ESRRB: variants seen among roughly 807,000 people sequenced by gnomAD.
The protein encoded by ESRRB is estrogen related receptor beta, also known as steroid hormone receptor ERR2.
ESRRB carries 16 observed loss-of-function variants against 46.0 expected under a neutral mutation model. That is an observed-to-expected ratio of 0.35 (90% CI 0.24 to 0.53). The LOEUF is 0.53. ESRRB is among the 20% of genes least tolerant of loss of function. The probability of loss-of-function intolerance (pLI) is 0.93; values close to 1 mark genes in which losing one functional copy is unlikely to be tolerated. For missense variants in ESRRB, 488 were observed against 607.4 expected, an observed-to-expected ratio of 0.80 and a Z score of 2.07; for synonymous variants, 246 against 259.6, an observed-to-expected ratio of 0.95 and a Z score of 0.50.
chr14:76,459,255 A>G (rs1888752476), intron 2 of ESRRB, among the ~76,000 whole-genome samples: 1 of 152,144 alleles, frequency 6.6e-6, no homozygotes, highest in Non-Finnish European at 1.5e-5. Context: ...AGCATTCGCC[A>G]GTGTGAGCTC....
chr14:76,351,933 T>A (rs1164268209), intron 1 of ESRRB, among the ~76,000 whole-genome samples: 2 of 141,852 alleles, frequency 1.4e-5, no homozygotes, highest in Non-Finnish European at 3.0e-5. Flanking sequence ...TGCAGGGAAC[T>A]ATGATGGCAC....
At chr14:76,390,682 A>G (rs1302324562) in intron 1 of ESRRB, among the ~76,000 whole-genome samples, 2 of 152,140 alleles carry the variant, frequency 1.3e-5, no homozygotes, top group African/African-American at 4.8e-5. Flanking sequence ...TTTCTAGAGC[A>G]TAAGGTTCAT....
intron 3 of ESRRB, among the ~76,000 whole-genome samples, chr14:76,466,639 A>C (rs1889122370): frequency 6.6e-6 from 1 of 152,136 alleles, no homozygotes; most frequent in Non-Finnish European, 1.5e-5. Context: ...TCTCTTTTAA[A>C]AACTGAACAC....
chr14:76,452,043 G>A (rs185842448), intron 2 of ESRRB, among the ~76,000 whole-genome samples: 2 of 151,888 alleles, frequency 1.3e-5, no homozygotes, highest in Non-Finnish European at 2.9e-5. Flanking sequence ...CTGGGTTCAA[G>A]TGATTCTCCT....
chr14:76,350,497 A>G (rs1884301372), intron 1 of ESRRB, among the ~76,000 whole-genome samples: 1 of 152,184 alleles, frequency 6.6e-6, no homozygotes, highest in African/African-American at 2.4e-5. Context: ...GACTGTTGCC[A>G]GGGCCCCAAC....
chr14:76,482,583 C>G lies in ESRRB; in HGVS notation c.689-15C>G. ...CTTTTCCCAGCATTTACCTTTCCCT[C>G]TTTGGTTGTTGCAGTGACCAAGATT... On this transcript the variant is annotated splice_polypyrimidine_tract_variant and intron_variant, in intron 4 of 6. Coordinates refer to ENST00000644823, the MANE Select transcript of ESRRB (RefSeq NM_001379180.1). This position sits in a 1 kb window ranked among gnomAD's most constrained non-coding sequence, Gnocchi z 4.3. The G allele has an allele frequency of 2.5e-6, 4 of 1,614,126 alleles. No homozygotes were observed. The highest frequency in any genetic ancestry group is 3.4e-6 in the Non-Finnish European group (4 of 1,180,004).
chr14:76,407,532 G>A (rs1886242872), intron 1 of ESRRB: 1 of 985,338 alleles, frequency 1.0e-6, no homozygotes, highest in South Asian at 4.7e-5. Flanking sequence ...TTTCCCATCT[G>A]TTCTGTTTAG....
intron 2 of ESRRB, among the ~76,000 whole-genome samples, chr14:76,441,413 G>A (rs958036642): frequency 6.6e-6 from 1 of 152,110 alleles, no homozygotes; most frequent in South Asian, 2.1e-4. Context: ...GCCCCCACAG[G>A]GCTGTTATCA....
intron 1 of ESRRB, among the ~76,000 whole-genome samples, chr14:76,396,455 A>G (rs1330059620): frequency 6.6e-6 from 1 of 152,222 alleles, no homozygotes; most frequent in African/African-American, 2.4e-5. Flanking sequence ...TTTTACCTTT[A>G]ACTTTGACTC....
At chr14:76,362,917 C>A (rs1199197551) in intron 1 of ESRRB, among the ~76,000 whole-genome samples, 1 of 152,152 alleles carries the variant, frequency 6.6e-6, no homozygotes, top group African/African-American at 2.4e-5. Context: ...AAAGCCATTT[C>A]TTTAAGATGA....
chr14:76,359,913 G>A (rs4624098), intron 1 of ESRRB, among the ~76,000 whole-genome samples: 23,471 of 152,168 alleles, frequency 0.15, 2,070 homozygotes, highest in Middle Eastern at 0.22. Context: ...AAAGGCTCAC[G>A]TATCTGTTAT....
intron 1 of ESRRB, among the ~76,000 whole-genome samples, chr14:76,382,326 C>T (rs1204035136): frequency 2.6e-5 from 4 of 152,316 alleles, no homozygotes; most frequent in Non-Finnish European, 4.4e-5. Context: ...GGGATTGGTT[C>T]GTCCATGGTG....
rs79561220 is a variant in ESRRB, at chr14:76,332,162, G to T, written c.2+21246G>T. Among the ~76,000 whole-genome samples the T allele has an allele frequency of 7.8e-3, 1,190 of 151,870 alleles. 12 individuals carry two copies. Among genetic ancestry groups the T allele is most frequent in the Non-Finnish European group, 0.012 (812 of 67,982 alleles). On this transcript the variant is annotated intron_variant, in intron 1 of 6. Transcript: ENST00000512784. ...GTTGCCTCTCTCTTGGGATGGAGAA[G>T]CCCTCCCTGCAGAGGTGACATGTAA...
intron 2 of ESRRB, among the ~76,000 whole-genome samples, chr14:76,458,096 T>C (rs1347276069): frequency 3.9e-5 from 6 of 152,202 alleles, no homozygotes; most frequent in African/African-American, 1.4e-4. Flanking sequence ...TGCACCTGTC[T>C]ATACTGAATA....
rs1331852049 is a variant in ESRRB at position 76,501,260 on chromosome 14, T to A, written c.*2802T>A. On this transcript the variant is annotated 3_prime_UTR_variant, in exon 7 of 7. Coordinates refer to ENST00000644823, the MANE Select transcript of ESRRB (RefSeq NM_001379180.1). ...CCATGGAGAAGGTGGTATGGCTGGG[T>A]TTTGTTTGGTCCCCTTGTCCTTATA... is the stretch of plus-strand genomic sequence containing the variant. 1 of 157,414 alleles carries A rather than the reference T, an allele frequency of 6.4e-6. No individual in the cohort carries two copies. The highest frequency in any genetic ancestry group is 1.4e-5 in the Non-Finnish European group (1 of 71,082). 9.8% of individuals were successfully genotyped at this position (157,414 alleles called of 1,614,324 possible).
At chr14:76,471,003 A>T (rs912942374) in intron 3 of ESRRB, among the ~76,000 whole-genome samples, 1 of 152,338 alleles carries the variant, frequency 6.6e-6, no homozygotes, top group Non-Finnish European at 1.5e-5. Context: ...CACTATTGGC[A>T]TTGCCACTTG....
At chr14:76,424,117 T>C (rs1460678643) in intron 1 of ESRRB, among the ~76,000 whole-genome samples, 1 of 152,166 alleles carries the variant, frequency 6.6e-6, no homozygotes, top group African/African-American at 2.4e-5. Flanking sequence ...CTCTGCAAAA[T>C]GAGGGAAATG....
At chr14:76,347,138 A>T (rs562052545) in intron 1 of ESRRB, among the ~76,000 whole-genome samples, 5 of 152,270 alleles carry the variant, frequency 3.3e-5, no homozygotes, top group African/African-American at 1.2e-4. Context: ...AGGGAGACTG[A>T]TGCCTTCAGA....
intron 1 of ESRRB, among the ~76,000 whole-genome samples, chr14:76,312,038 C>CTT (rs58087201): frequency 7.8e-6 from 1 of 128,192 alleles, no homozygotes; most frequent in Non-Finnish European, 1.7e-5. Context: ...TTAAATGTAC[C>CTT]TTTTTTTTTT....
Sources: gnomAD v4.1 joint callset for allele counts (sites outside exome capture counted in the v4.1 genomes callset) on GRCh38, gnomAD v4.1.1 for gene constraint, Gnocchi (gnomAD v3.1) non-coding constraint, MANE v1.5 for transcripts, NCBI Gene and HGNC (gene_info 2026-07-23, HGNC 2026-07-21) for gene names.